PAX3: variants seen among roughly 807,000 people sequenced by gnomAD.
The protein encoded by PAX3 is paired box protein Pax-3.
In PAX3, 14 loss-of-function variants were observed where a neutral mutation model predicts 51.6. The observed-to-expected ratio is 0.27, with a 90% CI of 0.18 to 0.42. The LOEUF (loss-of-function observed/expected upper bound fraction) is 0.42, where lower values mean the gene tolerates loss of function less well. Ranked by LOEUF, PAX3 falls within the 10% of genes least tolerant of loss-of-function variation. The pLI, the probability that PAX3 is intolerant of heterozygous loss-of-function variation, is 1.00. For synonymous variants in PAX3, 280 were observed against 253.4 expected (o/e 1.11, Z -1.00); for missense variants, 540 against 642.8 (o/e 0.84, Z 1.73).
intron 5 of PAX3, among the ~76,000 whole-genome samples, chr2:222,230,137 C>T (rs1692530969): frequency 6.6e-6 from 1 of 151,792 alleles, no homozygotes; most frequent in Non-Finnish European, 1.5e-5. Flanking sequence ...GATTGTACCA[C>T]TGTACTCCAA....
chr2:222,200,997 C>G lies in PAX3; in HGVS notation c.*411G>C, dbSNP rs1691264435. ...TAGGGTATTCTATTATATTTTAGAA[C>G]AGTCTGCTTGCCCAAACCAGTCTGG... On this transcript the variant is annotated 3_prime_UTR_variant, in exon 9 of 9. Transcript: ENST00000392070. 1.5e-6 allele frequency: 1 copy of G among 651,938 alleles called. No homozygotes were observed. The highest frequency in any genetic ancestry group is 2.7e-6 in the Non-Finnish European group (1 of 368,776). The allele number at this position is 651,938 out of a possible 1,614,324, so 40.4% of individuals were successfully genotyped here. A position where few individuals can be genotyped will look rare whatever the true frequency, so the allele number is the denominator to read the frequency against.
At chr2:222,209,494 T>C (rs542352448) in intron 7 of PAX3, among the ~76,000 whole-genome samples, 1 of 152,026 alleles carries the variant, frequency 6.6e-6, no homozygotes, top group East Asian at 1.9e-4. Context: ...AGAATGAACA[T>C]ACTCTTTAGA....
intron 6 of PAX3, 37 bp downstream of exon 6, chr2:222,221,185 A>G (rs1692177596): frequency 1.2e-6 from 2 of 1,601,500 alleles, no homozygotes; most frequent in African/African-American, 1.3e-5. Context: ...AATCGCCTGG[A>G]AGTTACTTTC....
chr2:222,268,311 G>A (rs1017088129), intron 4 of PAX3, among the ~76,000 whole-genome samples: 10 of 152,100 alleles, frequency 6.6e-5, no homozygotes, highest in Admixed American at 5.9e-4. Context: ...TTTTTCAACC[G>A]GTTTGCTCAC....
At chr2:222,239,298 G>A (rs911263331) in intron 4 of PAX3, among the ~76,000 whole-genome samples, 9 of 150,618 alleles carry the variant, frequency 6.0e-5, no homozygotes, top group African/African-American at 2.2e-4. Flanking sequence ...AAAGAAAGCT[G>A]GAGTGGATGA....
chr2:222,210,341 C>G (rs968230973), intron 7 of PAX3, among the ~76,000 whole-genome samples: 1 of 152,124 alleles, frequency 6.6e-6, no homozygotes, highest in Admixed American at 6.6e-5. Context: ...TTTAGCTACC[C>G]TTATCCTTGG....
chr2:222,276,841 A>G (rs1194769698), intron 4 of PAX3, among the ~76,000 whole-genome samples: 1 of 152,222 alleles, frequency 6.6e-6, no homozygotes, highest in Non-Finnish European at 1.5e-5. Context: ...GATCCCCCCT[A>G]AGGGGCTCCC....
chr2:222,229,987 G>A, intron 5 of PAX3, among the ~76,000 whole-genome samples: 1 of 152,120 alleles, frequency 6.6e-6, no homozygotes, highest in Middle Eastern at 3.4e-3. Context: ...AGTTCAAGAA[G>A]AGCCTGGGCA....
At chr2:222,213,592 A>G (rs561076036) in intron 7 of PAX3, among the ~76,000 whole-genome samples, 2 of 152,246 alleles carry the variant, frequency 1.3e-5, no homozygotes, top group Non-Finnish European at 2.9e-5. Flanking sequence ...AGAGGCTGCC[A>G]CTTTTGTAAA....
At position 222,257,095 on chromosome 2, in the gene PAX3, T is replaced by C. The variant is rs374093516; in HGVS notation, c.587-24812A>G. Among the ~76,000 whole-genome samples, 172 of 152,286 alleles carry C rather than the reference T, an allele frequency of 1.1e-3. 2 individuals carry two copies. In the South Asian group the frequency reaches 0.025, roughly 22 times the overall value. On this transcript the variant is annotated intron_variant, in intron 4 of 8. Coordinates refer to ENST00000392070, the MANE Select transcript of PAX3 (RefSeq NM_181458.4). ...GAAAAATAGTAGTTGGGGACAAAGA[T>C]AATTTCAACACAGATATATATTTTA...
At chr2:222,243,874 G>T (rs1231821988) in intron 4 of PAX3, among the ~76,000 whole-genome samples, 1 of 152,210 alleles carries the variant, frequency 6.6e-6, no homozygotes, top group Non-Finnish European at 1.5e-5. Context: ...GGAGGCAACA[G>T]AGAAGGCTGA....
chr2:222,296,146 G>C (rs546916870), intron 2 of PAX3, among the ~76,000 whole-genome samples: 1 of 152,252 alleles, frequency 6.6e-6, no homozygotes, highest in East Asian at 1.9e-4. Context: ...ACTTCGAGTC[G>C]ATAACAAATA....
chr2:222,226,350 A>T (rs1692385065), intron 5 of PAX3, among the ~76,000 whole-genome samples: 1 of 152,046 alleles, frequency 6.6e-6, no homozygotes, highest in South Asian at 2.1e-4. Flanking sequence ...CAGCCTTCCA[A>T]TCACTGCTGC....
intron 4 of PAX3, chr2:222,232,878 T>A (rs1252233104): frequency 6.5e-6 from 1 of 153,714 alleles, no homozygotes; most frequent in African/African-American, 2.4e-5. Flanking sequence ...TTATAAAAAA[T>A]TATATTTAAA....
At chr2:222,217,412 G>C (rs909457056) in intron 7 of PAX3, among the ~76,000 whole-genome samples, 1 of 151,790 alleles carries the variant, frequency 6.6e-6, no homozygotes, top group African/African-American at 2.4e-5. Flanking sequence ...TTCAACTCTG[G>C]ACTATAATGG....
chr2:222,295,513 T>G lies in PAX3; in HGVS notation c.451+15A>C, dbSNP rs373669528. On this transcript the variant is annotated intron_variant, in intron 3 of 8. Coordinates refer to ENST00000392070, the MANE Select transcript of PAX3 (RefSeq NM_181458.4). ...TGACTGTCGCGCCTCGGGGAGAGGTTAATGGGCCTAGTACCTGACGGCACG... is the reference window on the plus strand; with the variant it reads ...TGACTGTCGCGCCTCGGGGAGAGGTGAATGGGCCTAGTACCTGACGGCACG... The G allele has an allele frequency of 4.3e-6, 7 of 1,614,050 alleles. No homozygotes were observed. The African/African-American group carries it at 8.0e-5, about 18-fold the overall frequency.
chr2:222,266,545 A>G (rs1187215942), intron 4 of PAX3, among the ~76,000 whole-genome samples: 2 of 152,232 alleles, frequency 1.3e-5, no homozygotes, highest in Non-Finnish European at 2.9e-5. Flanking sequence ...ATAGTGTGGC[A>G]GTTAAAATTG....
intron 4 of PAX3, among the ~76,000 whole-genome samples, chr2:222,286,852 A>C (rs900508589): frequency 2.0e-5 from 3 of 152,234 alleles, no homozygotes; most frequent in African/African-American, 7.2e-5. Flanking sequence ...TTATTCCTCA[A>C]CAGTCTTCAA....
chr2:222,295,485 G>T, intron 3 of PAX3, 43 bp downstream of exon 3: 2 of 1,612,194 alleles, frequency 1.2e-6, no homozygotes, highest in South Asian at 1.1e-5. Flanking sequence ...GGGTAATAGC[G>T]ACTGACTGTC....
Sources: gnomAD v4.1 joint callset for allele counts (sites outside exome capture counted in the v4.1 genomes callset) on GRCh38, gnomAD v4.1.1 for gene constraint, MANE v1.5 for transcripts, NCBI Gene and HGNC (gene_info 2026-07-23, HGNC 2026-07-21) for gene names.